The following FAM135B variants were observed in gnomAD, a reference collection of about 807,000 sequenced individuals.
FAM135B encodes the protein protein FAM135B.
FAM135B carries 43 observed loss-of-function variants against 127.7 expected under a neutral mutation model. The observed-to-expected ratio is 0.34, with a 90% CI of 0.26 to 0.43. The LOEUF is 0.43. Among genes scored for constraint, FAM135B ranks in the 20% least tolerant of loss-of-function variants. FAM135B has a pLI of 1.00. For synonymous variants in FAM135B, 670 were observed against 665.1 expected (o/e 1.01, Z -0.11); for missense variants, 1,558 against 1,725.6 (o/e 0.90, Z 1.72).
At position 138,131,199 on chromosome 8, in the gene FAM135B, C is replaced by T. The variant is rs999218551; in HGVS notation, c.*1394G>A. On this transcript the variant is annotated 3_prime_UTR_variant, in exon 20 of 20. Coordinates refer to ENST00000395297, the MANE Select transcript of FAM135B (RefSeq NM_015912.4). The stretch of plus-strand genomic sequence containing the variant: ...GTATTGAGAACCCTGGTCCTAGATG[C>T]GTTTCCACACTTCAGAAGGGATTTT... The T allele has an allele frequency of 6.6e-6, 1 of 152,180 alleles. No homozygotes were observed. The highest frequency in any genetic ancestry group is 2.4e-5 in the African/African-American group (1 of 41,452). 9.4% of individuals were successfully genotyped at this position (152,180 alleles called of 1,614,324 possible).
chr8:138,427,597 G>A (rs1363822573), intron 1 of FAM135B, among the ~76,000 whole-genome samples: 1 of 152,080 alleles, frequency 6.6e-6, no homozygotes, highest in Non-Finnish European at 1.5e-5. Flanking sequence ...TAATGGGTCA[G>A]TGAGTGAGTA....
chr8:138,143,132 G>A (rs370494090), intron 15 of FAM135B, 23 bp from the exon 16 acceptor site: 8 of 1,394,182 alleles, frequency 5.7e-6, no homozygotes, highest in African/African-American at 5.7e-5. Context: ...AGAGGAACAG[G>A]TGTTGGGTAT....
chr8:138,458,428 GT>G (rs1836924077), intron 1 of FAM135B, among the ~76,000 whole-genome samples: 1 of 152,220 alleles, frequency 6.6e-6, no homozygotes, highest in African/African-American at 2.4e-5. Context: ...GATACTCCAG[GT>G]GAGAGGGTTA....
chr8:138,151,759 C>T lies in FAM135B; in HGVS notation c.2716G>A (p.Gly906Ser), dbSNP rs140327422. The T allele has an allele frequency of 6.2e-7, 1 of 1,614,062 alleles. No homozygotes were observed. The highest frequency in any genetic ancestry group is 8.5e-7 in the Non-Finnish European group (1 of 1,180,030). ...LHRALEETPK[G>S]MPKDLNVGQQ... ...CCCACATTCAAGTCTTTAGGCATGC[C>T]CTTTGGGGTTTCCTCAAGTGCTCTA... The change falls in exon 13 of 20, where the codon GGC becomes AGC. Residue 906 changes from glycine (G) to serine (S), a missense_variant. Transcript: ENST00000395297.
intron 11 of FAM135B, among the ~76,000 whole-genome samples, chr8:138,172,767 A>C (rs982814768): frequency 6.6e-6 from 1 of 152,202 alleles, no homozygotes; most frequent in African/African-American, 2.4e-5. Flanking sequence ...TTAGCAACTA[A>C]GGGTAGCATT....
chr8:138,223,037 T>C (rs937376422), intron 7 of FAM135B, among the ~76,000 whole-genome samples: 1 of 152,168 alleles, frequency 6.6e-6, no homozygotes, highest in Non-Finnish European at 1.5e-5. Flanking sequence ...CAAGATTAGG[T>C]ACACAGGTGT....
chr8:138,316,532 GATGCTACAATTCACTC>G (rs1380189826), intron 2 of FAM135B, among the ~76,000 whole-genome samples: 3 of 152,174 alleles, frequency 2.0e-5, no homozygotes, highest in Admixed American at 2.0e-4. Context: ...ACCACAATGA[GATGCTACAATTCACTC>G]ATCAAAATGA....
intron 3 of FAM135B, among the ~76,000 whole-genome samples, chr8:138,308,345 G>A (rs1278568716): frequency 6.6e-6 from 1 of 152,188 alleles, no homozygotes; most frequent in East Asian, 1.9e-4. Flanking sequence ...GCCTAGGCTG[G>A]CTAACTCAAA....
chr8:138,203,620 T>C (rs1817326184), intron 7 of FAM135B, among the ~76,000 whole-genome samples: 3 of 152,164 alleles, frequency 2.0e-5, no homozygotes, highest in Admixed American at 2.0e-4. Flanking sequence ...TTGTGTGCCA[T>C]TCAAGGACTT....
At chr8:138,261,620 C>T (rs1037688527) in intron 4 of FAM135B, among the ~76,000 whole-genome samples, 3 of 152,118 alleles carry the variant, frequency 2.0e-5, no homozygotes, top group East Asian at 1.9e-4. Flanking sequence ...TGTGGGATTA[C>T]GCAGAGTATA....
intron 1 of FAM135B, among the ~76,000 whole-genome samples, chr8:138,404,797 G>A (rs570776611): frequency 6.6e-6 from 1 of 152,230 alleles, no homozygotes; most frequent in South Asian, 2.1e-4. Context: ...ACTTCTAATT[G>A]TAGTTATCTT....
intron 9 of FAM135B, among the ~76,000 whole-genome samples, chr8:138,182,681 G>A (rs1243631991): frequency 6.6e-6 from 1 of 152,220 alleles, no homozygotes; most frequent in Non-Finnish European, 1.5e-5. Flanking sequence ...GAAAGGTCAT[G>A]GAAGGCTTCC....
At chr8:138,387,606 T>G (rs1832295377) in intron 1 of FAM135B, among the ~76,000 whole-genome samples, 1 of 152,140 alleles carries the variant, frequency 6.6e-6, no homozygotes, top group African/African-American at 2.4e-5. Context: ...TCCTATTTCT[T>G]GGAGCTCCTG....
chr8:138,367,735 A>G (rs1443375738), intron 2 of FAM135B, among the ~76,000 whole-genome samples, 172 bp downstream of exon 2: 1 of 152,084 alleles, frequency 6.6e-6, no homozygotes, highest in Non-Finnish European at 1.5e-5. Context: ...TTATTTTCAG[A>G]TGCAATAAAG....
chr8:138,264,946 C>T (rs1822802536), intron 4 of FAM135B, among the ~76,000 whole-genome samples: 3 of 152,230 alleles, frequency 2.0e-5, no homozygotes, highest in Middle Eastern at 6.8e-3. Context: ...AAAATCAGCT[C>T]GAATATGGCA....
At chr8:138,222,406 C>A (rs371571315) in intron 7 of FAM135B, among the ~76,000 whole-genome samples, 213 of 152,234 alleles carry the variant, frequency 1.4e-3, no homozygotes, top group African/African-American at 4.7e-3. Context: ...GAAAAACTTC[C>A]CCACCAAAGC....
rs1382965629 is a variant in FAM135B at position 138,159,273 on chromosome 8, C to T, written c.1259-6057G>A. ...CGGCCTGGGCGACAGAGCGAGACTC[C>T]GTCTCAAAAAAAAAAAAAGACACAT... is the stretch of plus-strand genomic sequence containing the variant. On this transcript the variant is annotated intron_variant, in intron 12 of 19. Coordinates refer to ENST00000395297, the MANE Select transcript of FAM135B (RefSeq NM_015912.4). Among the ~76,000 whole-genome samples, 71 of 20,308 alleles carry T rather than the reference C, an allele frequency of 3.5e-3. 3 individuals carry two copies. In the East Asian group the frequency reaches 0.11, roughly 32 times the overall value. The allele number at this position is 20,308 out of a possible 152,430, so 13.3% of individuals were successfully genotyped here.
chr8:138,204,793 C>A (rs1171376364), intron 7 of FAM135B, among the ~76,000 whole-genome samples: 1 of 152,146 alleles, frequency 6.6e-6, no homozygotes, highest in East Asian at 1.9e-4. Context: ...ACACTGATAA[C>A]TTTTCAACAT....
chr8:138,152,590 C>A lies in FAM135B; in HGVS notation c.1885G>T (p.Val629Leu), dbSNP rs542927659. ...GGGGTGAGTTTCAAGCTTAGCAGCA[C>A]CATCTTCCCCTCTTGATCTATTCCC... ...GKGIDQEGKM[V>L]LLSLKLTPSE... The change falls in exon 13 of 20, where the codon GTG becomes TTG. Residue 629 changes from valine to leucine, a missense_variant. By Grantham distance (32) the Val-to-Leu change is conservative. This residue lies in a region of FAM135B where 923 missense variants were observed against 865.3 expected (regional missense o/e 1.07). Coordinates refer to ENST00000395297, the MANE Select transcript of FAM135B (RefSeq NM_015912.4). The A allele has an allele frequency of 4.8e-5, 77 of 1,614,142 alleles. No individual in the cohort carries two copies. The South Asian group carries it at 7.9e-4, about 17-fold the overall frequency.
Sources: allele counts gnomAD v4.1 joint callset (sites outside exome capture counted in the v4.1 genomes callset), GRCh38; gene constraint gnomAD v4.1.1; regional missense constraint gnomAD v4.1.1; transcripts MANE v1.5; gene names NCBI Gene and HGNC (gene_info 2026-07-23, HGNC 2026-07-21).